DBX2: variants seen among roughly 807,000 people sequenced by gnomAD.
DBX2 encodes homeobox protein DBX2.
In DBX2, 16 loss-of-function variants were observed where a neutral mutation model predicts 17.7. That is an observed-to-expected ratio of 0.90 (90% CI 0.61 to 1.37). The LOEUF is 1.37. DBX2 is among the 40% of genes most tolerant of loss of function. DBX2 has a pLI of 0.00. For synonymous variants in DBX2, 255 were observed against 183.8 expected (o/e 1.39, Z -3.13); for missense variants, 538 against 433.8 (o/e 1.24, Z -2.13).
Position 45,050,522 on chromosome 12 carries a change from C to T in DBX2, c.403+3G>A, listed in dbSNP as rs559856558. The stretch of plus-strand genomic sequence containing the variant: ...CTGGGGAGGGAGGGGAGAGCTGGCT[C>T]ACCTGGCGCTGAAGGCTGGAAGGTA... On this transcript the variant is annotated splice_donor_region_variant and intron_variant, in intron 1 of 3. Coordinates refer to ENST00000332700, the MANE Select transcript of DBX2 (RefSeq NM_001004329.3). 7 of 1,549,182 alleles carry T rather than the reference C, an allele frequency of 4.5e-6. No individual in the cohort carries two copies. In the South Asian group the frequency reaches 5.9e-5, roughly 13 times the overall value.
chr12:45,023,700 T>G lies in DBX2; in HGVS notation c.687+7A>C. 6.2e-7 allele frequency: 1 copy of G among 1,614,104 alleles called. No homozygotes were observed. Among genetic ancestry groups the G allele is most frequent in the African/African-American group, 1.3e-5 (1 of 75,060 alleles). ...GAGGCAGTAGACATCTTCCTGCTTA[T>G]TAGTACCTGTGATTCCTTTAGTCCC... On this transcript the variant is annotated splice_region_variant and intron_variant, in intron 3 of 3. Coordinates refer to ENST00000332700, the MANE Select transcript of DBX2 (RefSeq NM_001004329.3).
chr12:45,044,051 T>C (rs1946485952), intron 1 of DBX2, among the ~76,000 whole-genome samples: 1 of 152,204 alleles, frequency 6.6e-6, no homozygotes, highest in South Asian at 2.1e-4. Context: ...TTAACCAATT[T>C]GCCATTTACA....
intron 1 of DBX2, among the ~76,000 whole-genome samples, chr12:45,039,941 C>T (rs533954982): frequency 6.6e-6 from 1 of 152,028 alleles, no homozygotes; most frequent in African/African-American, 2.4e-5. Context: ...TACAGCATGA[C>T]GTCAGGTTGT....
At chr12:45,032,595 T>TG (rs1443844927) in intron 2 of DBX2, among the ~76,000 whole-genome samples, 1 of 152,116 alleles carries the variant, frequency 6.6e-6, no homozygotes, top group African/African-American at 2.4e-5. Context: ...AATTCAAACT[T>TG]GGAGAGTGTA....
intron 1 of DBX2, among the ~76,000 whole-genome samples, chr12:45,045,760 C>A (rs1460270795): frequency 6.6e-6 from 1 of 152,094 alleles, no homozygotes; most frequent in Non-Finnish European, 1.5e-5. Context: ...CGCTCTGTTG[C>A]CCAGGCTGGA....
At chr12:45,023,157 C>A (rs1946362412) in intron 3 of DBX2, among the ~76,000 whole-genome samples, 1 of 152,092 alleles carries the variant, frequency 6.6e-6, no homozygotes, top group Non-Finnish European at 1.5e-5. Flanking sequence ...CCTCAATGAA[C>A]AAGAAAGGTA....
chr12:45,029,268 C>G (rs778676798), intron 2 of DBX2, among the ~76,000 whole-genome samples: 1 of 152,126 alleles, frequency 6.6e-6, no homozygotes, highest in Non-Finnish European at 1.5e-5. Context: ...TCTATCAATT[C>G]GAGGATATTA....
chr12:45,040,549 T>C (rs1946465593), intron 1 of DBX2, among the ~76,000 whole-genome samples: 1 of 152,150 alleles, frequency 6.6e-6, no homozygotes, highest in African/African-American at 2.4e-5. Context: ...TAAAATTATG[T>C]ATTCAGAGAA....
At chr12:45,041,271 T>C (rs922336357) in intron 1 of DBX2, among the ~76,000 whole-genome samples, 1 of 150,786 alleles carries the variant, frequency 6.6e-6, no homozygotes, top group East Asian at 1.9e-4. Context: ...AAAAGGATGG[T>C]TTTAATGACC....
In DBX2 at chr12:45,039,013, T is replaced by A. The variant is rs1293711855; in HGVS notation, c.404-2899A>T. Among the ~76,000 whole-genome samples the A allele has an allele frequency of 3.3e-5, 5 of 152,130 alleles. 1 individual carries two copies. The highest frequency in any genetic ancestry group is 2.6e-4 in the Admixed American group (4 of 15,284). ...TGTGACCAGGCTTGAAGTTCTATTG[T>A]GTACAATTTTTCACCATTTTAAATC... On this transcript the variant is annotated intron_variant, in intron 1 of 3. Transcript: ENST00000332700.
intron 1 of DBX2, 51 bp downstream of exon 1, chr12:45,050,474 C>T (rs1252324853): frequency 6.5e-7 from 1 of 1,538,524 alleles, no homozygotes; most frequent in Non-Finnish European, 8.8e-7. Context: ...CCTGGACCAC[C>T]CGGCCTGGGG....
intron 2 of DBX2, among the ~76,000 whole-genome samples, chr12:45,025,365 C>T (rs1946375958): frequency 6.6e-6 from 1 of 151,836 alleles, no homozygotes; most frequent in Admixed American, 6.6e-5. Context: ...ACAGATTCTC[C>T]CCAGAGCCTA....
chr12:45,019,272 T>C (rs1480175059), intron 3 of DBX2, among the ~76,000 whole-genome samples: 1 of 151,988 alleles, frequency 6.6e-6, no homozygotes, highest in African/African-American at 2.4e-5. Context: ...AAAGTATTGC[T>C]ACATATCAAT....
At chr12:45,044,777 C>T (rs1389259414) in intron 1 of DBX2, among the ~76,000 whole-genome samples, 2 of 151,840 alleles carry the variant, frequency 1.3e-5, no homozygotes, top group African/African-American at 4.8e-5. Flanking sequence ...AAAAGTGTGC[C>T]CCTGACATAT....
chr12:45,027,142 C>T (rs1946385654), intron 2 of DBX2, among the ~76,000 whole-genome samples: 1 of 152,186 alleles, frequency 6.6e-6, no homozygotes, highest in Non-Finnish European at 1.5e-5. Context: ...TATTTGGTCT[C>T]TTCCAGCTGA....
At chr12:45,019,611 C>G (rs1005805821) in intron 3 of DBX2, among the ~76,000 whole-genome samples, 1 of 152,064 alleles carries the variant, frequency 6.6e-6, no homozygotes, top group African/African-American at 2.4e-5. Context: ...CCCACTCACA[C>G]TCTCTTACAA....
At chr12:45,040,125 C>T (rs978851020) in intron 1 of DBX2, among the ~76,000 whole-genome samples, 3 of 152,076 alleles carry the variant, frequency 2.0e-5, no homozygotes, top group Non-Finnish European at 2.9e-5. Context: ...CAGACCCACC[C>T]TTAATCTGGG....
intron 1 of DBX2, 35 bp from the exon 2 acceptor site, chr12:45,036,149 T>C: frequency 5.8e-6 from 9 of 1,551,984 alleles, no homozygotes; most frequent in Non-Finnish European, 7.8e-6. Context: ...TGATTAGCCA[T>C]TTCTTTAAGA....
At chr12:45,033,085 A>G (rs1263085461) in intron 2 of DBX2, among the ~76,000 whole-genome samples, 2 of 152,214 alleles carry the variant, frequency 1.3e-5, no homozygotes, top group Non-Finnish European at 2.9e-5. Context: ...ACTATTTACT[A>G]TATGTGAGAA....
Sources: gnomAD v4.1 joint callset for allele counts (sites outside exome capture counted in the v4.1 genomes callset) on GRCh38, gnomAD v4.1.1 for gene constraint, MANE v1.5 for transcripts, NCBI Gene and HGNC (gene_info 2026-07-23, HGNC 2026-07-21) for gene names.